Variants in MEF2A observed in about 807,000 individuals in gnomAD.
The protein encoded by MEF2A is myocyte-specific enhancer factor 2A.
MEF2A carries 28 observed loss-of-function variants against 55.8 expected under a neutral mutation model. That is an observed-to-expected ratio of 0.50 (90% CI 0.37 to 0.69). The LOEUF is 0.69. MEF2A is among the 30% of genes least tolerant of loss of function. The pLI, the probability that MEF2A is intolerant of heterozygous loss-of-function variation, is 0.00. For missense variants in MEF2A, 528 were observed against 626.2 expected, an observed-to-expected ratio of 0.84 and a Z score of 1.67; for synonymous variants, 239 against 227.1, an observed-to-expected ratio of 1.05 and a Z score of -0.47.
intron 7 of MEF2A, among the ~76,000 whole-genome samples, chr15:99,688,817 T>A (rs2153709294): frequency 6.6e-6 from 1 of 152,288 alleles, no homozygotes; most frequent in East Asian, 1.9e-4. Flanking sequence ...TTAGGGAATG[T>A]GAGAGCCTCC....
In MEF2A at chr15:99,705,005, T is replaced by G. The variant is rs76681587; in HGVS notation, c.882+1620T>G. ...AACAGCCATTTATATTATTTAAAAC[T>G]TAATCAATTAAAAATGCAGAACTTT... On this transcript the variant is annotated intron_variant, in intron 9 of 11. Transcript: ENST00000557942. Among the ~76,000 whole-genome samples the G allele has an allele frequency of 7.1e-3, 1,077 of 152,324 alleles. 28 individuals are homozygous for G. In the East Asian group the frequency reaches 0.072, roughly 10 times the overall value.
intron 3 of MEF2A, among the ~76,000 whole-genome samples, chr15:99,637,036 A>G (rs2043998390): frequency 1.3e-5 from 2 of 151,610 alleles, no homozygotes; most frequent in African/African-American, 4.8e-5. Context: ...GTTTTGTTCC[A>G]TTTGATTATT....
intron 7 of MEF2A, among the ~76,000 whole-genome samples, chr15:99,678,263 T>A (rs2052512412): frequency 6.6e-6 from 1 of 152,216 alleles, no homozygotes; most frequent in Admixed American, 6.5e-5. Flanking sequence ...ATTGTTTTGT[T>A]ACCAGAGAAC....
At chr15:99,582,426 CATT>C (rs1966208525) in intron 1 of MEF2A, among the ~76,000 whole-genome samples, 1 of 152,024 alleles carries the variant, frequency 6.6e-6, no homozygotes, top group Non-Finnish European at 1.5e-5. Flanking sequence ...GATTCCTTCT[CATT>C]AGTAGTTTTT....
At chr15:99,597,959 A>G (rs1282582650) in intron 1 of MEF2A, among the ~76,000 whole-genome samples, 3 of 152,244 alleles carry the variant, frequency 2.0e-5, no homozygotes, top group Admixed American at 6.5e-5. Flanking sequence ...TACACATTGT[A>G]TTGAAATACA....
intron 2 of MEF2A, among the ~76,000 whole-genome samples, chr15:99,628,332 A>G (rs1489377052): frequency 1.3e-5 from 2 of 152,118 alleles, no homozygotes; most frequent in Non-Finnish European, 1.5e-5. Flanking sequence ...CTGTATCCCC[A>G]TATTTAAGAT....
intron 4 of MEF2A, among the ~76,000 whole-genome samples, chr15:99,665,609 G>A (rs569040027): frequency 6.6e-6 from 1 of 151,532 alleles, no homozygotes; most frequent in Non-Finnish European, 1.5e-5. Flanking sequence ...AAGAGCTTCT[G>A]CACAGCAAAA....
intron 8 of MEF2A, among the ~76,000 whole-genome samples, chr15:99,698,139 T>C (rs2056787062): frequency 6.6e-6 from 1 of 151,958 alleles, no homozygotes; most frequent in Admixed American, 6.5e-5. Flanking sequence ...GAGGAGAAAA[T>C]CCAACACAAA....
chr15:99,686,885 A>G (rs904076903), intron 7 of MEF2A, among the ~76,000 whole-genome samples: 4 of 151,434 alleles, frequency 2.6e-5, no homozygotes, highest in Admixed American at 6.6e-5. Flanking sequence ...CGTAATCTCA[A>G]ATTTTTTGGA....
intron 7 of MEF2A, 31 bp downstream of exon 7, chr15:99,675,489 G>A: frequency 6.3e-6 from 10 of 1,584,044 alleles, no homozygotes; most frequent in Non-Finnish European, 8.7e-6. Context: ...CTGTTTTGTA[G>A]GTATCTATCC....
chr15:99,662,599 C>T (rs569777810), intron 4 of MEF2A, among the ~76,000 whole-genome samples: 5 of 152,096 alleles, frequency 3.3e-5, no homozygotes, highest in East Asian at 1.9e-4. Flanking sequence ...CCTCATCCTC[C>T]TGAGTACCTG....
chr15:99,615,953 G>C (rs2040120013), intron 2 of MEF2A, among the ~76,000 whole-genome samples: 1 of 152,092 alleles, frequency 6.6e-6, no homozygotes, highest in South Asian at 2.1e-4. Context: ...CTATTTAGTG[G>C]AACTTGGATT....
At chr15:99,622,290 T>C (rs959278851) in intron 2 of MEF2A, among the ~76,000 whole-genome samples, 40 of 152,342 alleles carry the variant, frequency 2.6e-4, no homozygotes, top group African/African-American at 9.4e-4. Context: ...ACTTGGGATT[T>C]AATTGGAGAG....
Position 99,641,660 on chromosome 15 carries a change from T to C in MEF2A, c.55-3901T>C, listed in dbSNP as rs574168188. On this transcript the variant is annotated intron_variant, in intron 3 of 11. Coordinates refer to ENST00000557942, the MANE Select transcript of MEF2A (RefSeq NM_001319206.4). ...ACGGCATGAACTCGGGAGGCGGAGC[T>C]TGCAGTGAGTCGAGATCGTGCCACT... Among the ~76,000 whole-genome samples the C allele has an allele frequency of 6.5e-3, 985 of 152,088 alleles. 10 individuals carry two copies. The highest frequency in any genetic ancestry group is 0.023 in the African/African-American group (939 of 41,432).
At chr15:99,649,933 T>A (rs950875990) in intron 4 of MEF2A, among the ~76,000 whole-genome samples, 3 of 152,220 alleles carry the variant, frequency 2.0e-5, no homozygotes, top group Admixed American at 6.5e-5. Flanking sequence ...TTTCTGCTTA[T>A]AATTTTTTAA....
chr15:99,598,255 G>A (rs1433482590), intron 1 of MEF2A, among the ~76,000 whole-genome samples, 175 bp from the exon 2 acceptor site: 10 of 152,194 alleles, frequency 6.6e-5, no homozygotes, highest in Admixed American at 5.2e-4. Context: ...TCAGTTGGCT[G>A]ACGTTTTGTT....
chr15:99,709,235 G>C (rs2058357430), intron 10 of MEF2A, among the ~76,000 whole-genome samples: 1 of 152,164 alleles, frequency 6.6e-6, no homozygotes, highest in Admixed American at 6.5e-5. Flanking sequence ...ATTGATGTTG[G>C]GAGTGAGAGG....
At chr15:99,651,545 C>A (rs573967041) in intron 4 of MEF2A, among the ~76,000 whole-genome samples, 1 of 152,156 alleles carries the variant, frequency 6.6e-6, no homozygotes, top group African/African-American at 2.4e-5. Flanking sequence ...CACCTCCAGT[C>A]CCCTGCCCTG....
At chr15:99,700,847 A>T (rs1249743849) in intron 8 of MEF2A, among the ~76,000 whole-genome samples, 3 of 152,208 alleles carry the variant, frequency 2.0e-5, no homozygotes, top group Non-Finnish European at 4.4e-5. Flanking sequence ...TAACAATAGT[A>T]TTGGATTATA....
Sources: gnomAD v4.1 joint callset for allele counts (sites outside exome capture counted in the v4.1 genomes callset) on GRCh38, gnomAD v4.1.1 for gene constraint, MANE v1.5 for transcripts, NCBI Gene and HGNC (gene_info 2026-07-23, HGNC 2026-07-21) for gene names.